The following HDAC9 variants were observed in gnomAD, a reference collection of about 807,000 sequenced individuals.
HDAC9 encodes the protein MEF-2 interacting transcription repressor (MITR) protein.
HDAC9 carries 41 observed loss-of-function variants against 139.4 expected under a neutral mutation model. The observed-to-expected ratio is 0.29, with a 90% CI of 0.23 to 0.38. The LOEUF is 0.38. Among genes scored for constraint, HDAC9 ranks in the 10% least tolerant of loss-of-function variants. The probability of loss-of-function intolerance (pLI) is 1.00; values close to 1 mark genes in which losing one functional copy is unlikely to be tolerated. For missense variants in HDAC9, 1,147 were observed against 1,297.0 expected (o/e 0.88, Z 1.78); for synonymous variants, 517 against 476.2 (o/e 1.09, Z -1.12).
At chr7:18,480,190 A>G (rs1795444862) in intron 1 of HDAC9, among the ~76,000 whole-genome samples, 1 of 152,128 alleles carries the variant, frequency 6.6e-6, no homozygotes, top group African/African-American at 2.4e-5. Context: ...CAGTGTTTGT[A>G]TTAGACATTC....
chr7:18,374,837 C>G (rs1429692964), intron 1 of HDAC9, among the ~76,000 whole-genome samples: 1 of 151,914 alleles, frequency 6.6e-6, no homozygotes, highest in Non-Finnish European at 1.5e-5. Context: ...CAACAGTGGT[C>G]CCATAAGATT....
rs552501965 is a variant in HDAC9 at position 18,130,785 on chromosome 7, C to G, written c.-96-31444C>G. 1.4e-4 allele frequency among the ~76,000 whole-genome samples: 21 copies of G among 152,150 alleles called. No homozygotes were observed. In the South Asian group the frequency reaches 4.2e-3, roughly 30 times the overall value. On this transcript the variant is annotated intron_variant, in intron 1 of 12. Transcript: ENST00000417496. ...GTGTCATGCCTCTTTTAACAATTTT[C>G]TATTGCATGTTCATCTGCTTTTCAT...
intron 12 of HDAC9, among the ~76,000 whole-genome samples, chr7:18,705,910 T>C (rs1051208252): frequency 4.7e-5 from 7 of 149,286 alleles, no homozygotes; most frequent in Non-Finnish European, 1.0e-4. Context: ...ATAGGCATTA[T>C]GATATGTTTC....
At chr7:18,277,794 A>C (rs1453993523) in intron 2 of HDAC9, among the ~76,000 whole-genome samples, 1 of 152,240 alleles carries the variant, frequency 6.6e-6, no homozygotes, top group Non-Finnish European at 1.5e-5. Context: ...TGGTTAGTCA[A>C]TTTACTAATT....
intron 12 of HDAC9, among the ~76,000 whole-genome samples, chr7:18,725,230 C>CA (rs1238308691): frequency 6.6e-6 from 1 of 152,004 alleles, no homozygotes; most frequent in Non-Finnish European, 1.5e-5. Context: ...ATAATGAATC[C>CA]AATATATGCC....
intron 1 of HDAC9, among the ~76,000 whole-genome samples, chr7:18,394,321 C>A (rs1786821803): frequency 6.6e-6 from 1 of 152,078 alleles, no homozygotes; most frequent in Admixed American, 6.6e-5. Flanking sequence ...AGGGTTATTG[C>A]AGGTGGTGTG....
intron 1 of HDAC9, among the ~76,000 whole-genome samples, chr7:18,478,808 A>G (rs918042927): frequency 6.6e-6 from 1 of 151,912 alleles, no homozygotes; most frequent in African/African-American, 2.4e-5. Flanking sequence ...GTATTGTTAG[A>G]CTCAATTTTT....
At chr7:18,741,236 T>C (rs756475906) in intron 13 of HDAC9, among the ~76,000 whole-genome samples, 11 of 152,200 alleles carry the variant, frequency 7.2e-5, no homozygotes, top group Non-Finnish European at 1.5e-4. Flanking sequence ...CTTTAAGAGA[T>C]AGAGAGAAAT....
At chr7:18,247,811 A>G (rs190315843) in intron 2 of HDAC9, among the ~76,000 whole-genome samples, 321 of 152,330 alleles carry the variant, frequency 2.1e-3, no homozygotes, top group Admixed American at 3.9e-3. Context: ...ATAAGGAGAG[A>G]AAAGAAACAG....
At chr7:18,314,489 T>A (rs897077197) in intron 1 of HDAC9, among the ~76,000 whole-genome samples, 2 of 152,178 alleles carry the variant, frequency 1.3e-5, no homozygotes, top group African/African-American at 4.8e-5. Flanking sequence ...GGCAGTAAAT[T>A]GGAGTGAGGT....
intron 2 of HDAC9, among the ~76,000 whole-genome samples, chr7:18,283,151 G>C (rs1179001339): frequency 6.6e-6 from 1 of 152,084 alleles, no homozygotes; most frequent in East Asian, 1.9e-4. Flanking sequence ...CTCACATTCT[G>C]AAGGCTCAAC....
At chr7:18,438,665 TG>T (rs1180230575) in intron 1 of HDAC9, among the ~76,000 whole-genome samples, 9 of 151,736 alleles carry the variant, frequency 5.9e-5, no homozygotes, top group African/African-American at 2.2e-4. Context: ...TGTGTGTGTG[TG>T]TGTGTGTGTA....
chr7:18,618,993 A>G (rs527486954), intron 6 of HDAC9, among the ~76,000 whole-genome samples: 32 of 152,140 alleles, frequency 2.1e-4, no homozygotes, highest in Middle Eastern at 3.4e-3. Flanking sequence ...AGACTGAAAC[A>G]TGTTTATAAT....
At chr7:18,846,661 T>C (rs1400810712) in intron 21 of HDAC9, among the ~76,000 whole-genome samples, 1 of 152,186 alleles carries the variant, frequency 6.6e-6, no homozygotes, top group Non-Finnish European at 1.5e-5. Context: ...ACAAACTAAA[T>C]AAATTACTGC....
At chr7:18,145,959 G>C (rs1664500821) in intron 1 of HDAC9, among the ~76,000 whole-genome samples, 1 of 152,124 alleles carries the variant, frequency 6.6e-6, no homozygotes, top group Admixed American at 6.6e-5. Context: ...AATGGAACAA[G>C]AGATGATATT....
intron 1 of HDAC9, among the ~76,000 whole-genome samples, chr7:18,330,710 G>C (rs1416607307): frequency 6.6e-6 from 1 of 151,596 alleles, no homozygotes; most frequent in Non-Finnish European, 1.5e-5. Flanking sequence ...ATCCCAGAGT[G>C]AATTTTTGTA....
intron 1 of HDAC9, among the ~76,000 whole-genome samples, chr7:18,110,184 G>A (rs1361868732): frequency 1.3e-5 from 2 of 152,272 alleles, no homozygotes; most frequent in African/African-American, 2.4e-5. Flanking sequence ...AGAACAAATG[G>A]TTTGTCTTTT....
At chr7:18,592,888 T>C (rs899448802) in intron 5 of HDAC9, among the ~76,000 whole-genome samples, 2 of 152,136 alleles carry the variant, frequency 1.3e-5, no homozygotes, top group African/African-American at 4.8e-5. Flanking sequence ...TAAAGTCTGT[T>C]CTAAGAAAAG....
chr7:18,440,269 C>G (rs1037633554), intron 1 of HDAC9, among the ~76,000 whole-genome samples: 7 of 151,242 alleles, frequency 4.6e-5, no homozygotes, highest in Non-Finnish European at 7.4e-5. Flanking sequence ...ACCGCAAACT[C>G]CGCCTCCCAG....
Sources: allele counts gnomAD v4.1 joint callset (sites outside exome capture counted in the v4.1 genomes callset), GRCh38; gene constraint gnomAD v4.1.1; transcripts MANE v1.5; gene names NCBI Gene and HGNC (gene_info 2026-07-23, HGNC 2026-07-21).